SSTR2: variants seen among roughly 807,000 people sequenced by gnomAD.
SSTR2 encodes the protein somatostatin receptor 2, also known as somatostatin receptor type 2.
SSTR2 carries 10 observed loss-of-function variants against 21.4 expected under a neutral mutation model. The observed-to-expected ratio is 0.47, with a 90% CI of 0.29 to 0.79. SSTR2 has a LOEUF of 0.79. Ranked by LOEUF, SSTR2 falls within the 30% of genes least tolerant of loss-of-function variation. The pLI is 0.10. For synonymous variants in SSTR2, 177 were observed against 181.3 expected (o/e 0.98, Z 0.19); for missense variants, 364 against 468.8 (o/e 0.78, Z 2.06).
rs1421445441 is a variant in SSTR2, at chr17:73,170,596, T to C, written c.*167T>C. ...ACGGTGTTTGAGTCAGCTTGTCTGATTGAATGATAATGTGCTAAATTGATT... is the reference window on the plus strand; with the variant it reads ...ACGGTGTTTGAGTCAGCTTGTCTGACTGAATGATAATGTGCTAAATTGATT... On this transcript the variant is annotated 3_prime_UTR_variant, in exon 2 of 2. Transcript: ENST00000357585. The C allele has an allele frequency of 3.4e-6, 3 of 875,076 alleles. 1 individual carries two copies. The South Asian group carries it at 4.3e-5, about 13-fold the overall frequency. 54.2% of individuals were successfully genotyped at this position (875,076 alleles called of 1,614,324 possible). A position where few individuals can be genotyped will look rare whatever the true frequency, so the allele number is the denominator to read the frequency against.
Position 73,170,990 on chromosome 17 carries a change from G to T in SSTR2, c.*561G>T. On this transcript the variant is annotated 3_prime_UTR_variant, in exon 2 of 2. Transcript: ENST00000357585. ...CACGGGCCTTGCCAAGGCCCAGGAG[G>T]GACTTGGGCAGTATGTTCATGTGGT... 3.4e-6 allele frequency: 1 copy of T among 297,832 alleles called. No homozygotes were observed. The highest frequency in any genetic ancestry group is 7.0e-6 in the Non-Finnish European group (1 of 142,296). The allele number at this position is 297,832 out of a possible 1,614,324, so 18.4% of individuals were successfully genotyped here.
chr17:73,170,974 T>C lies in SSTR2; in HGVS notation c.*545T>C. 3.0e-6 allele frequency: 1 copy of C among 329,054 alleles called. No homozygotes were observed. Among genetic ancestry groups the C allele is most frequent in the Non-Finnish European group, 6.3e-6 (1 of 159,450 alleles). The allele number at this position is 329,054 out of a possible 1,614,324, so 20.4% of individuals were successfully genotyped here. ...TCAGGGATCTCTCTTGCACGGGCCT[T>C]GCCAAGGCCCAGGAGGGACTTGGGC... On this transcript the variant is annotated 3_prime_UTR_variant, in exon 2 of 2. Transcript: ENST00000357585.
chr17:73,168,022 C>T (rs970135960), intron 1 of SSTR2: 12 of 152,254 alleles, frequency 7.9e-5, no homozygotes, highest in African/African-American at 2.7e-4. Context: ...ATCAGCCGTT[C>T]GGTCTCTAGG....
In SSTR2 at chr17:73,170,166, G is replaced by A; in HGVS notation, c.847G>A (p.Ala283Thr). 1 of 1,614,036 alleles carries A rather than the reference G, an allele frequency of 6.2e-7. No individual in the cohort carries two copies. The highest frequency in any genetic ancestry group is 8.5e-7 in the Non-Finnish European group (1 of 1,180,006). ...ATTCAACGTTTCTTCCGTCTCCATG[G>A]CCATCAGCCCCACCCCAGCCCTTAA... ...YIFNVSSVSM[A>T]ISPTPALKGM... The change falls in exon 2 of 2, where the codon GCC (alanine) becomes ACC (threonine). Residue 283 changes from alanine to threonine, a missense_variant. By Grantham distance (58) the Ala-to-Thr change is moderately conservative. Coordinates refer to ENST00000357585, the MANE Select transcript of SSTR2 (RefSeq NM_001050.3).
Position 73,170,561 on chromosome 17 carries a change from A to C in SSTR2, c.*132A>C, listed in dbSNP as rs2061231711. On this transcript the variant is annotated 3_prime_UTR_variant, in exon 2 of 2. Coordinates refer to ENST00000357585, the MANE Select transcript of SSTR2 (RefSeq NM_001050.3). ...ATAGAGGATTGCTCAGCATGAGTCC[A>C]ATTCAGAGAACGGTGTTTGAGTCAG... The C allele has an allele frequency of 2.6e-6, 3 of 1,169,902 alleles. No homozygotes were observed. The Admixed American group carries it at 5.9e-5, about 23-fold the overall frequency. 72.5% of individuals were successfully genotyped at this position (1,169,902 alleles called of 1,614,324 possible). A position where few individuals can be genotyped will look rare whatever the true frequency, so the allele number is the denominator to read the frequency against.
In SSTR2 at chr17:73,165,231, G is replaced by A. The variant is rs1167952521; in HGVS notation, c.-150G>A. ...GCGCGCCCCGGCGCCCAGCTGGCTC[G>A]GGGACAGCCGCTGGGTGTCGGAGAC... On this transcript the variant is annotated 5_prime_UTR_variant, in exon 1 of 2. Transcript: ENST00000357585. 1 of 152,496 alleles carries A rather than the reference G, an allele frequency of 6.6e-6. No individual in the cohort carries two copies. Among genetic ancestry groups the A allele is most frequent in the Non-Finnish European group, 1.5e-5 (1 of 68,294 alleles). 9.4% of individuals were successfully genotyped at this position (152,496 alleles called of 1,614,324 possible). A position where few individuals can be genotyped will look rare whatever the true frequency, so the allele number is the denominator to read the frequency against.
chr17:73,171,926 A>G lies in SSTR2; in HGVS notation c.*1497A>G, dbSNP rs2061236808. 2.4e-5 allele frequency: 2 copies of G among 84,182 alleles called. No individual in the cohort carries two copies. The highest frequency in any genetic ancestry group is 5.8e-4 in the East Asian group (2 of 3,478). The allele number at this position is 84,182 out of a possible 1,614,324, so 5.2% of individuals were successfully genotyped here. ...ACAAGAGCAAAACTCAGTCTCAAAA[A>G]AAAAAAAAAAAAAAAAAAAAAAAAA... On this transcript the variant is annotated 3_prime_UTR_variant, in exon 2 of 2. Transcript: ENST00000357585.
rs902150090 is a variant in SSTR2 at position 73,170,774 on chromosome 17, G to A, written c.*345G>A. On this transcript the variant is annotated 3_prime_UTR_variant, in exon 2 of 2. Transcript: ENST00000357585. ...TATTGAAAACTCAATATGTAATCTT[G>A]TGTTTTTATATGTATACTTGTATAT... The A allele has an allele frequency of 8.1e-6, 4 of 495,410 alleles. No individual in the cohort carries two copies. The highest frequency in any genetic ancestry group is 1.6e-5 in the Non-Finnish European group (4 of 244,510). 30.7% of individuals were successfully genotyped at this position (495,410 alleles called of 1,614,324 possible).
intron 1 of SSTR2, among the ~76,000 whole-genome samples, chr17:73,166,226 C>T (rs1170970704): frequency 6.6e-6 from 1 of 152,244 alleles, no homozygotes; most frequent in Non-Finnish European, 1.5e-5. Context: ...CCCTCAGGGG[C>T]TTTTGTCACC....
chr17:73,168,503 CTTTTAT>C (rs781641426), intron 1 of SSTR2, among the ~76,000 whole-genome samples: 3 of 152,116 alleles, frequency 2.0e-5, no homozygotes, highest in Non-Finnish European at 2.9e-5. Context: ...GCAAACCAGA[CTTTTAT>C]TTTTAATACT....
At chr17:73,165,990 G>T (rs1282246830) in intron 1 of SSTR2, among the ~76,000 whole-genome samples, 2 of 151,406 alleles carry the variant, frequency 1.3e-5, no homozygotes, top group Non-Finnish European at 2.9e-5. Flanking sequence ...GATACTGGGC[G>T]TGCTGGCGCC....
rs1049315298 is a variant in SSTR2, at chr17:73,171,409, A to C, written c.*980A>C. Reference sequence around the variant, plus strand: ...AAAATCACTAACATGAAAGGCAAAAAATGGACTATGATTCCTGTGGGGAAA... The same window carrying C: ...AAAATCACTAACATGAAAGGCAAAACATGGACTATGATTCCTGTGGGGAAA... On this transcript the variant is annotated 3_prime_UTR_variant, in exon 2 of 2. Coordinates refer to ENST00000357585, the MANE Select transcript of SSTR2 (RefSeq NM_001050.3). The C allele has an allele frequency of 1.2e-5, 2 of 167,138 alleles. No homozygotes were observed. The highest frequency in any genetic ancestry group is 3.8e-4 in the East Asian group (2 of 5,196). 10.4% of individuals were successfully genotyped at this position (167,138 alleles called of 1,614,324 possible). A position where few individuals can be genotyped will look rare whatever the true frequency, so the allele number is the denominator to read the frequency against.
rs1223904080 is a variant in SSTR2, at chr17:73,169,772, C to A, written c.453C>A (p.Ala151=). ...CTGTGGTCCACCCCATCAAGTCGGCCAAGTGGAGGAGACCCCGGACGGCCA... is the reference window on the plus strand; with the variant it reads ...CTGTGGTCCACCCCATCAAGTCGGCAAAGTGGAGGAGACCCCGGACGGCCA... ...YLAVVHPIKS[A]KWRRPRTAKM... Residue 151 remains alanine (A), a synonymous_variant, in exon 2 of 2, where the codon GCC becomes GCA. Coordinates refer to ENST00000357585, the MANE Select transcript of SSTR2 (RefSeq NM_001050.3). The surrounding 1 kb of genome is among the most constrained non-coding windows in gnomAD (Gnocchi z 5.2). The A allele has an allele frequency of 6.2e-7, 1 of 1,614,062 alleles. No individual in the cohort carries two copies. The highest frequency in any genetic ancestry group is 8.5e-7 in the Non-Finnish European group (1 of 1,180,046).
rs2061235076 is a variant in SSTR2 at position 73,171,557 on chromosome 17, T to C, written c.*1128T>C. On this transcript the variant is annotated 3_prime_UTR_variant, in exon 2 of 2. Coordinates refer to ENST00000357585, the MANE Select transcript of SSTR2 (RefSeq NM_001050.3). ...GACATAGCTTCCTAATGAAAGAAAATGGAAATGTAATTCGACGACTCCTCA... is the reference window on the plus strand; with the variant it reads ...GACATAGCTTCCTAATGAAAGAAAACGGAAATGTAATTCGACGACTCCTCA... 2 of 166,656 alleles carry C rather than the reference T, an allele frequency of 1.2e-5. No individual in the cohort carries two copies. 10.3% of individuals were successfully genotyped at this position (166,656 alleles called of 1,614,324 possible).
intron 1 of SSTR2, among the ~76,000 whole-genome samples, chr17:73,167,208 T>C (rs555573266): frequency 2.4e-4 from 36 of 152,248 alleles, no homozygotes; most frequent in Admixed American, 2.3e-3. Flanking sequence ...TCTGTTTTAA[T>C]TGCTGCCAGT....
chr17:73,173,999 T>G lies in SSTR2; in HGVS notation c.*3570T>G, dbSNP rs2061242634. 6.6e-6 allele frequency: 1 copy of G among 151,716 alleles called. No homozygotes were observed. Among genetic ancestry groups the G allele is most frequent in the Admixed American group, 6.6e-5 (1 of 15,182 alleles). The allele number at this position is 151,716 out of a possible 1,614,324, so 9.4% of individuals were successfully genotyped here. On this transcript the variant is annotated 3_prime_UTR_variant, in exon 2 of 2. Coordinates refer to ENST00000357585, the MANE Select transcript of SSTR2 (RefSeq NM_001050.3). ...CAAAAATTAGCTGGGTGTGGTGGCG[T>G]GTGCCTGTAATCCCAGCTACTCAGG...
intron 1 of SSTR2, among the ~76,000 whole-genome samples, chr17:73,167,347 C>T (rs368336979): frequency 8.5e-5 from 13 of 152,130 alleles, no homozygotes; most frequent in African/African-American, 2.2e-4. Flanking sequence ...ACAGAAGGAA[C>T]GAGCAATGCA....
chr17:73,170,438 G>T lies in SSTR2; in HGVS notation c.*9G>T, dbSNP rs749610233. 5 of 1,608,446 alleles carry T rather than the reference G, an allele frequency of 3.1e-6. No individual in the cohort carries two copies. Among genetic ancestry groups the T allele is most frequent in the Non-Finnish European group, 4.2e-6 (5 of 1,176,692 alleles). ...TCCAAACCAGTATCTGAACTGCTTG[G>T]GGGGTGGGAAAGAACCAAGCCATGC... On this transcript the variant is annotated 3_prime_UTR_variant, in exon 2 of 2. Transcript: ENST00000357585.
rs1006340522 is a variant in SSTR2 at position 73,171,552 on chromosome 17, G to A, written c.*1123G>A. 5 of 166,836 alleles carry A rather than the reference G, an allele frequency of 3.0e-5. No homozygotes were observed. Among genetic ancestry groups the A allele is most frequent in the African/African-American group, 1.2e-4 (5 of 41,440 alleles). 10.3% of individuals were successfully genotyped at this position (166,836 alleles called of 1,614,324 possible). On this transcript the variant is annotated 3_prime_UTR_variant, in exon 2 of 2. Coordinates refer to ENST00000357585, the MANE Select transcript of SSTR2 (RefSeq NM_001050.3). ...GGCCAGACATAGCTTCCTAATGAAA[G>A]AAAATGGAAATGTAATTCGACGACT...
Sources: allele counts gnomAD v4.1 joint callset (sites outside exome capture counted in the v4.1 genomes callset), GRCh38; gene constraint gnomAD v4.1.1; non-coding constraint Gnocchi (gnomAD v3.1); transcripts MANE v1.5; gene names NCBI Gene and HGNC (gene_info 2026-07-23, HGNC 2026-07-21).